DPYD: variants seen among roughly 807,000 people sequenced by gnomAD.
DPYD encodes dihydropyrimidine dehydrogenase.
A neutral mutation model predicts 116.2 loss-of-function variants in DPYD; 109 were observed. That is an observed-to-expected ratio of 0.94 (90% CI 0.80 to 1.10). DPYD has a LOEUF of 1.10. Ranked by LOEUF, DPYD falls within the 50% of genes least tolerant of loss-of-function variation. The pLI, the probability that DPYD is intolerant of heterozygous loss-of-function variation, is 0.00. For synonymous variants in DPYD, 440 were observed against 432.0 expected (o/e 1.02, Z -0.23); for missense variants, 1,302 against 1,254.5 (o/e 1.04, Z -0.57).
chr1:97,172,117 C>A lies in DPYD; in HGVS notation c.2622+20952G>T, dbSNP rs562370048. 9.2e-4 allele frequency among the ~76,000 whole-genome samples: 140 copies of A among 152,234 alleles called. No homozygotes were observed. In the South Asian group the frequency reaches 0.015, roughly 16 times the overall value. On this transcript the variant is annotated intron_variant, in intron 20 of 22. Coordinates refer to ENST00000370192, the MANE Select transcript of DPYD (RefSeq NM_000110.4). ...AGGTGAAAGTGGGTTTTCCATCCCA[C>A]AGAATTTGAACCGCCCTCATTGTCA...
chr1:97,903,622 T>C (rs1220417511), intron 1 of DPYD, among the ~76,000 whole-genome samples: 1 of 152,010 alleles, frequency 6.6e-6, no homozygotes. Flanking sequence ...TTTAAAACTA[T>C]TCCTTAGAAA....
intron 8 of DPYD, among the ~76,000 whole-genome samples, chr1:97,622,759 G>A (rs762570645): frequency 7.9e-5 from 12 of 151,924 alleles, no homozygotes; most frequent in African/African-American, 2.9e-4. Flanking sequence ...AAAAGATACC[G>A]AGGAATAAAA....
chr1:97,789,496 T>C (rs1439651454), intron 3 of DPYD, among the ~76,000 whole-genome samples: 1 of 152,226 alleles, frequency 6.6e-6, no homozygotes, highest in East Asian at 1.9e-4. Flanking sequence ...GCATGGTGAA[T>C]TCTAGTAGTT....
chr1:97,168,557 T>C (rs909924495), intron 20 of DPYD, among the ~76,000 whole-genome samples: 1 of 152,208 alleles, frequency 6.6e-6, no homozygotes, highest in African/African-American at 2.4e-5. Flanking sequence ...GAGGACAGTA[T>C]GTTCATCTGG....
intron 12 of DPYD, among the ~76,000 whole-genome samples, chr1:97,540,789 C>A (rs902143314): frequency 6.6e-6 from 1 of 152,116 alleles, no homozygotes; most frequent in African/African-American, 2.4e-5. Flanking sequence ...GGTGACTAGC[C>A]CCTATCCTGT....
chr1:97,085,333 C>T (rs1304776811), intron 21 of DPYD, among the ~76,000 whole-genome samples: 1 of 152,146 alleles, frequency 6.6e-6, no homozygotes, highest in South Asian at 2.1e-4. Context: ...AGAAATTTTA[C>T]GTGGAGCAAG....
intron 3 of DPYD, among the ~76,000 whole-genome samples, chr1:97,825,771 T>TAA (rs397940082): frequency 6.9e-6 from 1 of 144,344 alleles, no homozygotes; most frequent in African/African-American, 2.5e-5. Flanking sequence ...TAAAGTATAA[T>TAA]AAAAAAAAAA....
intron 11 of DPYD, among the ~76,000 whole-genome samples, chr1:97,552,406 A>G (rs1468192631): frequency 2.0e-5 from 3 of 152,120 alleles, no homozygotes; most frequent in African/African-American, 7.2e-5. Flanking sequence ...TCGGTCCATA[A>G]GTAGTCAGGA....
chr1:97,871,037 A>T (rs1671633492), intron 2 of DPYD, among the ~76,000 whole-genome samples: 1 of 151,910 alleles, frequency 6.6e-6, no homozygotes, highest in Admixed American at 6.6e-5. Flanking sequence ...GACTCTAAAG[A>T]CAATTTTGCT....
At chr1:97,814,921 A>AAAGAG (rs1557982371) in intron 3 of DPYD, among the ~76,000 whole-genome samples, 2 of 19,692 alleles carry the variant, frequency 1.0e-4, no homozygotes, top group Admixed American at 8.2e-4. Context: ...AAAAAAAAAA[A>AAAGAG]GAAAGAGAGA....
At chr1:97,331,064 A>G (rs1459633813) in intron 16 of DPYD, among the ~76,000 whole-genome samples, 2 of 152,200 alleles carry the variant, frequency 1.3e-5, no homozygotes, top group African/African-American at 4.8e-5. Context: ...ATCCAGTTCT[A>G]TATAACACAG....
At chr1:97,627,228 C>T (rs1160824475) in intron 8 of DPYD, among the ~76,000 whole-genome samples, 1 of 152,088 alleles carries the variant, frequency 6.6e-6, no homozygotes, top group Non-Finnish European at 1.5e-5. Context: ...CAAGGTAAAA[C>T]ATCTGCTGAG....
chr1:97,395,867 A>G (rs891845877), intron 14 of DPYD, among the ~76,000 whole-genome samples: 4 of 152,026 alleles, frequency 2.6e-5, no homozygotes, highest in Non-Finnish European at 5.9e-5. Context: ...GACAGACCAC[A>G]TGACACACAG....
intron 19 of DPYD, among the ~76,000 whole-genome samples, chr1:97,208,630 A>G (rs761184388): frequency 6.6e-6 from 1 of 152,004 alleles, no homozygotes. Context: ...AACTTTCTCT[A>G]TTACTCAAAA....
chr1:97,469,775 C>A (rs1283264741), intron 13 of DPYD, among the ~76,000 whole-genome samples: 1 of 152,046 alleles, frequency 6.6e-6, no homozygotes, highest in Admixed American at 6.6e-5. Context: ...TTTTAAATTG[C>A]TACAAATCTA....
In DPYD at chr1:97,530,917, T is replaced by A. The variant is rs530242732; in HGVS notation, c.1525-14976A>T. Among the ~76,000 whole-genome samples, 13 of 152,310 alleles carry A rather than the reference T, an allele frequency of 8.5e-5. No homozygotes were observed. In the East Asian group the frequency reaches 2.5e-3, roughly 29 times the overall value. On this transcript the variant is annotated intron_variant, in intron 12 of 22. Coordinates refer to ENST00000370192, the MANE Select transcript of DPYD (RefSeq NM_000110.4). ...CTGTTGGCCATTTGTATGGCTTGTT[T>A]GAAAAAATATCTATTCAAGTCCCTT...
At chr1:97,175,930 A>G (rs72965881) in intron 20 of DPYD, among the ~76,000 whole-genome samples, 1,656 of 152,338 alleles carry the variant, frequency 0.011, 20 homozygotes, top group African/African-American at 0.037. Flanking sequence ...TCACAGAAAT[A>G]AGATTTGATT....
intron 8 of DPYD, among the ~76,000 whole-genome samples, chr1:97,654,239 A>T (rs979735778): frequency 6.6e-6 from 1 of 152,188 alleles, no homozygotes; most frequent in Non-Finnish European, 1.5e-5. Flanking sequence ...ACAATGATTG[A>T]GCACTGAAAT....
intron 20 of DPYD, among the ~76,000 whole-genome samples, chr1:97,135,978 G>A (rs1653760439): frequency 6.6e-6 from 1 of 152,162 alleles, no homozygotes; most frequent in African/African-American, 2.4e-5. Flanking sequence ...AAATCAGAAA[G>A]GACTTTGATA....
Sources: gnomAD v4.1 joint callset for allele counts (sites outside exome capture counted in the v4.1 genomes callset) on GRCh38, gnomAD v4.1.1 for gene constraint, MANE v1.5 for transcripts, NCBI Gene and HGNC (gene_info 2026-07-23, HGNC 2026-07-21) for gene names.